NEIL2: variants seen among roughly 807,000 people sequenced by gnomAD.
NEIL2 encodes endonuclease 8-like 2.
NEIL2 carries 23 observed loss-of-function variants against 22.2 expected under a neutral mutation model. The observed-to-expected ratio is 1.04, with a 90% confidence interval of 0.75 to 1.47. The LOEUF (loss-of-function observed/expected upper bound fraction) is 1.47, where lower values mean the gene tolerates loss of function less well. Among genes scored for constraint, NEIL2 ranks in the 40% most tolerant of loss-of-function variants. The pLI, the probability that NEIL2 is intolerant of heterozygous loss-of-function variation, is 0.00. For missense variants in NEIL2, 583 were observed against 404.7 expected, an observed-to-expected ratio of 1.44 and a Z score of -3.78; for synonymous variants, 229 against 164.8, an observed-to-expected ratio of 1.39 and a Z score of -2.99.
intron 2 of NEIL2, among the ~76,000 whole-genome samples, chr8:11,774,364 C>A (rs910418301): frequency 6.6e-6 from 1 of 152,132 alleles, no homozygotes; most frequent in African/African-American, 2.4e-5. Context: ...CAGAGTGAGA[C>A]TCCATCTGAA....
chr8:11,785,036 T>G (rs809206), intron 4 of NEIL2, among the ~76,000 whole-genome samples: 2 of 151,888 alleles, frequency 1.3e-5, no homozygotes, highest in African/African-American at 2.4e-5. Flanking sequence ...GCCTCACTAA[T>G]TTTTAAAATT....
At chr8:11,775,461 G>C (rs1012049720) in intron 2 of NEIL2, among the ~76,000 whole-genome samples, 11 of 152,178 alleles carry the variant, frequency 7.2e-5, no homozygotes, top group African/African-American at 2.2e-4. Context: ...TAGGTGTCTG[G>C]ACCTGTGATG....
At position 11,774,744 on chromosome 8, in the gene NEIL2, A is replaced by T. The variant is rs1295325430; in HGVS notation, c.138+3159A>T. On this transcript the variant is annotated intron_variant, in intron 2 of 4. Coordinates refer to ENST00000284503, the MANE Select transcript of NEIL2 (RefSeq NM_145043.4). ...GGGGGTACAGGCATTGGGTAAATAC[A>T]CCTGTTTCAAATGGGAGAAATTGGC... Among the ~76,000 whole-genome samples the T allele has an allele frequency of 2.0e-5, 3 of 152,344 alleles. No individual in the cohort carries two copies. In the East Asian group the frequency reaches 5.8e-4, roughly 29 times the overall value.
chr8:11,771,227 A>G (rs1803405810), intron 1 of NEIL2, among the ~76,000 whole-genome samples: 1 of 152,094 alleles, frequency 6.6e-6, no homozygotes, highest in African/African-American at 2.4e-5. Flanking sequence ...GAAGAAAGGT[A>G]AGAGGGGCTG....
At position 11,779,687 on chromosome 8, in the gene NEIL2, A is replaced by G; in HGVS notation, c.228A>G (p.Lys76=). ...GSSPTPEPPQ[K]EVQKEGAADP... Reference sequence around the variant, plus strand: ...GCCCAACACCAGAGCCTCCACAAAAAGAAGTGCAGAAGGAAGGGGCTGCGG... The same window carrying G: ...GCCCAACACCAGAGCCTCCACAAAAGGAAGTGCAGAAGGAAGGGGCTGCGG... Residue 76 remains lysine, a synonymous_variant, in exon 3 of 5, where the codon AAA becomes AAG. Coordinates refer to ENST00000284503, the MANE Select transcript of NEIL2 (RefSeq NM_145043.4). 1 of 1,614,000 alleles carries G rather than the reference A, an allele frequency of 6.2e-7. No individual in the cohort carries two copies. Among genetic ancestry groups the G allele is most frequent in the Non-Finnish European group, 8.5e-7 (1 of 1,179,978 alleles).
Position 11,787,262 on chromosome 8 carries a change from C to T in NEIL2, c.*989C>T, listed in dbSNP as rs1305385544. On this transcript the variant is annotated 3_prime_UTR_variant, in exon 5 of 5. Transcript: ENST00000284503. ...TGTTGAACAATTCAGGAATCAAGGG[C>T]TGTGGAGAAACTCCCTCATGTTGTT... 6.5e-6 allele frequency: 1 copy of T among 152,678 alleles called. No individual in the cohort carries two copies. The highest frequency in any genetic ancestry group is 1.5e-5 in the Non-Finnish European group (1 of 68,076). 9.5% of individuals were successfully genotyped at this position (152,678 alleles called of 1,614,324 possible). A position where few individuals can be genotyped will look rare whatever the true frequency, so the allele number is the denominator to read the frequency against.
rs926830712 is a variant in NEIL2, at chr8:11,783,186, C to T, written c.492-17C>T. 5.0e-6 allele frequency: 8 copies of T among 1,612,692 alleles called. No homozygotes were observed. Among genetic ancestry groups the T allele is most frequent in the Non-Finnish European group, 6.8e-6 (8 of 1,178,768 alleles). ...TGTGGTAACGATGTGTACATATGAC[C>T]TGTTCTTTCTTCCCAGGTTGGTCCT... On this transcript the variant is annotated splice_polypyrimidine_tract_variant and intron_variant, in intron 3 of 4. Coordinates refer to ENST00000284503, the MANE Select transcript of NEIL2 (RefSeq NM_145043.4).
At chr8:11,785,166 C>T (rs1265371142) in intron 4 of NEIL2, among the ~76,000 whole-genome samples, 1 of 151,732 alleles carries the variant, frequency 6.6e-6, no homozygotes, top group Non-Finnish European at 1.5e-5. Flanking sequence ...GCCACTGTGC[C>T]TAGCTATGCT....
Position 11,779,634 on chromosome 8 carries a change from GATGAAGAA to G in NEIL2, c.179_186del (p.Glu60GlyfsTer37), listed in dbSNP as rs1804216718. The G allele has an allele frequency of 6.2e-7, 1 of 1,613,536 alleles. No individual in the cohort carries two copies. Among genetic ancestry groups the G allele is most frequent in the Non-Finnish European group, 8.5e-7 (1 of 1,179,904 alleles). The stretch of plus-strand genomic sequence containing the variant: ...GAAATTATTCCTTAGATTTGATCTA[GATGAAGAA>G]ATGGGGCCCCCTGGCAGCAGCCCAA... On this transcript the variant is annotated frameshift_variant, in exon 3 of 5. Coordinates refer to ENST00000284503, the MANE Select transcript of NEIL2 (RefSeq NM_145043.4). LOFTEE classifies it high-confidence loss of function.
intron 4 of NEIL2, among the ~76,000 whole-genome samples, chr8:11,784,617 C>T (rs1291313043): frequency 1.3e-5 from 2 of 152,194 alleles, no homozygotes; most frequent in Admixed American, 1.3e-4. Flanking sequence ...CTGTCACGCT[C>T]ACCACCTCTC....
rs556183329 is a variant in NEIL2 at position 11,786,071 on chromosome 8, A to C, written c.797A>C (p.Glu266Ala). The C allele has an allele frequency of 2.2e-5, 36 of 1,614,046 alleles. No individual in the cohort carries two copies. In the African/African-American group the frequency reaches 4.4e-4, roughly 20 times the overall value. Residue 266 changes from glutamate (E) to alanine (A), a missense_variant, in exon 5 of 5, where the codon GAG becomes GCG. Coordinates refer to ENST00000284503, the MANE Select transcript of NEIL2 (RefSeq NM_145043.4). ...GAGGTCCTGGTGGATCACGTGGTGGAGTTCAGTACAGCCTGGCTGCAGGGC... is the reference window on the plus strand; with the variant it reads ...GAGGTCCTGGTGGATCACGTGGTGGCGTTCAGTACAGCCTGGCTGCAGGGC... ...RREVLVDHVV[E>A]FSTAWLQGKF... is the part of the protein sequence containing the mutation.
At position 11,783,326 on chromosome 8, in the gene NEIL2, A is replaced by G. The variant is rs758121977; in HGVS notation, c.615A>G (p.Gln205=). 1 of 1,614,228 alleles carries G rather than the reference A, an allele frequency of 6.2e-7. No individual in the cohort carries two copies. The change falls in exon 4 of 5, where the codon CAA becomes CAG. Residue 205 remains glutamine, a synonymous_variant. Coordinates refer to ENST00000284503, the MANE Select transcript of NEIL2 (RefSeq NM_145043.4). ...TGTCTGAGAAGTTCCATCGAGGACA[A>G]GCCTTAGAAGCTCTAGGCCAGGCTC... ...DILSEKFHRG[Q]ALEALGQAQP...
rs573956329 is a variant in NEIL2, at chr8:11,773,009, C to A, written c.138+1424C>A. ...TGTAGCCCTGTACCCATAGTTGATT[C>A]CTTTGGAGACTGAGGCTCGGAGAAG... is the stretch of plus-strand genomic sequence containing the variant. On this transcript the variant is annotated intron_variant, in intron 2 of 4. Coordinates refer to ENST00000284503, the MANE Select transcript of NEIL2 (RefSeq NM_145043.4). Among the ~76,000 whole-genome samples the A allele has an allele frequency of 3.5e-3, 536 of 152,132 alleles. 3 individuals carry two copies. Among genetic ancestry groups the A allele is most frequent in the African/African-American group, 0.012 (498 of 41,482 alleles).
chr8:11,785,868 T>A, intron 4 of NEIL2, 95 bp from the exon 5 acceptor site: 2 of 1,148,332 alleles, frequency 1.7e-6, no homozygotes, highest in Admixed American at 3.4e-5. Flanking sequence ...CCCCAGGACA[T>A]GGAAGAGCTG....
At chr8:11,785,500 A>G (rs1302871241) in intron 4 of NEIL2, among the ~76,000 whole-genome samples, 1 of 152,208 alleles carries the variant, frequency 6.6e-6, no homozygotes, top group Non-Finnish European at 1.5e-5. Flanking sequence ...CATTTTAAAT[A>G]ATAACAACAG....
At chr8:11,782,998 A>C in intron 3 of NEIL2, 1 of 643,316 alleles carries the variant, frequency 1.6e-6, no homozygotes, top group Non-Finnish European at 2.9e-6. Context: ...GTATGTGTGC[A>C]TGATCCAGCC....
intron 2 of NEIL2, among the ~76,000 whole-genome samples, chr8:11,774,572 G>A (rs1195990693): frequency 6.6e-6 from 1 of 152,080 alleles, no homozygotes; most frequent in Non-Finnish European, 1.5e-5. Context: ...AACCAATCAT[G>A]CCTTCCCAAC....
At chr8:11,784,971 C>A (rs138714864) in intron 4 of NEIL2, among the ~76,000 whole-genome samples, 1 of 152,104 alleles carries the variant, frequency 6.6e-6, no homozygotes, top group Non-Finnish European at 1.5e-5. Context: ...GTGGCTCAAG[C>A]GATCCTCCCA....
In NEIL2 at chr8:11,779,827, C is replaced by G. The variant is rs144176325; in HGVS notation, c.368C>G (p.Pro123Arg). The G allele has an allele frequency of 1.2e-6, 2 of 1,614,202 alleles. No individual in the cohort carries two copies. Among genetic ancestry groups the G allele is most frequent in the Non-Finnish European group, 8.5e-7 (1 of 1,180,028 alleles). Residue 123 changes from proline (P) to arginine (R), a missense_variant, in exon 3 of 5, where the codon CCT (proline) becomes CGT (arginine). Transcript: ENST00000284503. ...TCTGAGTATTTGGAGAGAGACGCCC[C>G]TGCAGGAGATGCTGGGAGGTGGCTG... ...DDSEYLERDA[P>R]AGDAGRWLRV...
Sources: allele counts gnomAD v4.1 joint callset (sites outside exome capture counted in the v4.1 genomes callset), GRCh38; gene constraint gnomAD v4.1.1; transcripts MANE v1.5; gene names NCBI Gene and HGNC (gene_info 2026-07-23, HGNC 2026-07-21).